Variants in DNAH17 observed in about 807,000 individuals in gnomAD.
The protein encoded by DNAH17 is axonemal beta dynein heavy chain 17.
Under a neutral mutation model 485.6 loss-of-function variants are expected in DNAH17, and 376 were observed. The observed-to-expected ratio is 0.77, with a 90% CI of 0.71 to 0.84. The LOEUF (loss-of-function observed/expected upper bound fraction) is 0.84, where lower values mean the gene tolerates loss of function less well. DNAH17 is among the 40% of genes least tolerant of loss of function. The probability of loss-of-function intolerance (pLI) is 0.00; values close to 1 mark genes in which losing one functional copy is unlikely to be tolerated. For synonymous variants in DNAH17, 3,031 were observed against 2,405.9 expected (o/e 1.26, Z -7.60); for missense variants, 6,370 against 5,839.3 (o/e 1.09, Z -2.96).
At chr17:78,557,723 C>G (rs984605412) in intron 14 of DNAH17, among the ~76,000 whole-genome samples, 16 of 51,340 alleles carry the variant, frequency 3.1e-4, no homozygotes, top group Non-Finnish European at 6.4e-4. Context: ...TCTGAGTCAT[C>G]ACTATCTTTG....
chr17:78,515,085 C>G (rs1320966560), intron 25 of DNAH17, 63 bp from the exon 26 acceptor site: 3 of 1,588,208 alleles, frequency 1.9e-6, no homozygotes, highest in East Asian at 2.2e-5. Flanking sequence ...GAAGAAAACC[C>G]TCTTACCTTT....
At position 78,451,648 on chromosome 17, in the gene DNAH17, C is replaced by T. The variant is rs1363221518; in HGVS notation, c.10555G>A (p.Val3519Met). 4 of 1,584,382 alleles carry T rather than the reference C, an allele frequency of 2.5e-6. No individual in the cohort carries two copies. The highest frequency in any genetic ancestry group is 3.4e-6 in the Non-Finnish European group (4 of 1,165,268). The change falls in exon 66 of 81, where the codon GTG (valine) becomes ATG (methionine). Residue 3519 changes from valine to methionine, a missense_variant. Transcript: ENST00000389840. Reference sequence around the variant, plus strand: ...AGGCGGAACTTGGGGTGGTACTCCACCTCCTTGTCACCGATCTTAATGTAC... The same window carrying T: ...AGGCGGAACTTGGGGTGGTACTCCATCTCCTTGTCACCGATCTTAATGTAC... ...GKYIKIGDKEVEYHPKFRLIL... is the reference protein window; with the variant it reads ...GKYIKIGDKEMEYHPKFRLIL...
chr17:78,438,081 A>G (rs903765654), intron 73 of DNAH17, among the ~76,000 whole-genome samples: 2 of 152,106 alleles, frequency 1.3e-5, no homozygotes, highest in African/African-American at 4.8e-5. Flanking sequence ...CTGAGGCCCC[A>G]GAATCTATTT....
chr17:78,440,958 G>A, intron 72 of DNAH17, 93 bp downstream of exon 72: 1 of 1,445,952 alleles, frequency 6.9e-7, no homozygotes, highest in Non-Finnish European at 9.5e-7. Flanking sequence ...GTGTGAAGTG[G>A]TGTCTCATGT....
intron 9 of DNAH17, 126 bp from the exon 10 acceptor site, chr17:78,567,292 A>G: frequency 2.2e-6 from 2 of 920,040 alleles, no homozygotes; most frequent in South Asian, 1.5e-5. Context: ...GACACCAACC[A>G]TGGGGGTGGG....
chr17:78,489,700 T>C (rs535265469), intron 44 of DNAH17: 11 of 152,190 alleles, frequency 7.2e-5, no homozygotes, highest in African/African-American at 2.6e-4. Flanking sequence ...CCCACGGTGC[T>C]GGTTTTTCTC....
Position 78,480,770 on chromosome 17 carries a change from G to T in DNAH17, c.7666C>A (p.Leu2556Met), listed in dbSNP as rs778356456. ...DHRHWYDRHK[L>M]TLKDIHNCQY... ...CAATTATGGATATCTTTTAACGTCA[G>T]CTTATGTCTGTCATACCTGAGGGGG... The change falls in exon 49 of 81, where the codon CTG (leucine) becomes ATG (methionine). Residue 2556 changes from leucine (L) to methionine (M), a missense_variant. Leu to Met is a conservative substitution (Grantham distance 15). Coordinates refer to ENST00000389840, the MANE Select transcript of DNAH17 (RefSeq NM_173628.4). 6.2e-6 allele frequency: 10 copies of T among 1,613,070 alleles called. No individual in the cohort carries two copies. Among genetic ancestry groups the T allele is most frequent in the Non-Finnish European group, 8.5e-6 (10 of 1,179,568 alleles).
chr17:78,428,429 C>G lies in DNAH17; in HGVS notation c.12588+96G>C, dbSNP rs556292770. On this transcript the variant is annotated intron_variant, in intron 77 of 80. Transcript: ENST00000389840. The stretch of plus-strand genomic sequence containing the variant: ...GCTGGGGCAGAGTGTACCTCACCAG[C>G]AAGTTCCCCTGTACTGCCGCCAGTC... The G allele has an allele frequency of 3.0e-5, 43 of 1,437,270 alleles. No homozygotes were observed. The East Asian group carries it at 5.5e-4, about 18-fold the overall frequency. The allele number at this position is 1,437,270 out of a possible 1,614,324, so 89.0% of individuals were successfully genotyped here. A position where few individuals can be genotyped will look rare whatever the true frequency, so the allele number is the denominator to read the frequency against.
At chr17:78,472,608 C>A (rs886985436) in intron 54 of DNAH17, 43 of 382,428 alleles carry the variant, frequency 1.1e-4, no homozygotes, top group African/African-American at 9.0e-4. Flanking sequence ...AACTCCCCAC[C>A]GCCTGGCCCC....
rs762605114 is a variant in DNAH17, at chr17:78,529,690, C to G, written c.3289G>C (p.Ala1097Pro). The G allele has an allele frequency of 1.2e-6, 2 of 1,613,904 alleles. No individual in the cohort carries two copies. Among genetic ancestry groups the G allele is most frequent in the East Asian group, 4.5e-5 (2 of 44,876 alleles). ...ACTTTCATGAAGGCTTCCAGGTCAG[C>G]CAGGCTAAGGGACAAGGGGACCATT... ...HLSNHVTNSL[A>P]DLEAFMKVAR... Residue 1097 changes from alanine to proline, a missense_variant, in exon 22 of 81, where the codon GCT (alanine) becomes CCT (proline). Ala to Pro is a conservative substitution (Grantham distance 27). Coordinates refer to ENST00000389840, the MANE Select transcript of DNAH17 (RefSeq NM_173628.4).
intron 14 of DNAH17, 57 bp downstream of exon 14, chr17:78,558,051 C>T (rs768461185): frequency 3.2e-6 from 5 of 1,545,350 alleles, no homozygotes; most frequent in African/African-American, 1.4e-5. Flanking sequence ...ACAAACTTGA[C>T]AAAAAACCAA....
At chr17:78,549,031 C>G (rs563747989) in intron 16 of DNAH17, among the ~76,000 whole-genome samples, 3 of 152,182 alleles carry the variant, frequency 2.0e-5, no homozygotes, top group Non-Finnish European at 4.4e-5. Flanking sequence ...GATTCTGTGA[C>G]CAGTTTAGTG....
At chr17:78,559,986 C>CT (rs2092116855) in intron 13 of DNAH17, among the ~76,000 whole-genome samples, 1 of 152,188 alleles carries the variant, frequency 6.6e-6, no homozygotes, top group Non-Finnish European at 1.5e-5. Flanking sequence ...GCACCTGCCC[C>CT]TTCTACCGGC....
At chr17:78,452,627 A>G (rs2087602613) in intron 65 of DNAH17, among the ~76,000 whole-genome samples, 1 of 152,210 alleles carries the variant, frequency 6.6e-6, no homozygotes, top group Admixed American at 6.5e-5. Context: ...AATCCCAGCT[A>G]CTTGGGAGGC....
intron 57 of DNAH17, among the ~76,000 whole-genome samples, chr17:78,462,435 G>A (rs2088181592): frequency 6.6e-6 from 1 of 152,154 alleles, no homozygotes; most frequent in Non-Finnish European, 1.5e-5. Flanking sequence ...GTCTGAAGCA[G>A]GCAGAACCCT....
intron 48 of DNAH17, among the ~76,000 whole-genome samples, chr17:78,482,809 A>G (rs1048928281): frequency 3.9e-5 from 6 of 152,076 alleles, no homozygotes; most frequent in African/African-American, 1.4e-4. Flanking sequence ...ATCTTTTGAA[A>G]ACTCAAATCT....
intron 16 of DNAH17, among the ~76,000 whole-genome samples, chr17:78,551,023 AG>A (rs2091890159): frequency 6.6e-6 from 1 of 152,230 alleles, no homozygotes; most frequent in African/African-American, 2.4e-5. Flanking sequence ...GTTCAAGACC[AG>A]CCTGGGCAAC....
chr17:78,427,325 A>G (rs981416330), intron 77 of DNAH17, among the ~76,000 whole-genome samples: 4 of 152,196 alleles, frequency 2.6e-5, no homozygotes, highest in African/African-American at 7.2e-5. Context: ...TGATCTCACT[A>G]CAAGTCCCTG....
chr17:78,526,821 C>T, intron 23 of DNAH17, 59 bp downstream of exon 23: 1 of 1,556,870 alleles, frequency 6.4e-7, no homozygotes, highest in African/African-American at 1.4e-5. Context: ...GCCGCAGGGC[C>T]CTGGGTGAGC....
Sources: allele counts gnomAD v4.1 joint callset (sites outside exome capture counted in the v4.1 genomes callset), GRCh38; gene constraint gnomAD v4.1.1; transcripts MANE v1.5; gene names NCBI Gene and HGNC (gene_info 2026-07-23, HGNC 2026-07-21).